Variants in ZNF567 observed in about 807,000 individuals in gnomAD.
ZNF567 encodes zinc finger protein 567.
ZNF567 carries 36 observed loss-of-function variants against 53.9 expected under a neutral mutation model. That is an observed-to-expected ratio of 0.67 (90% CI 0.51 to 0.88). The LOEUF is 0.88. Among genes scored for constraint, ZNF567 ranks in the 40% least tolerant of loss-of-function variants. ZNF567 has a pLI of 0.00. For missense variants in ZNF567, 619 were observed against 764.7 expected, an observed-to-expected ratio of 0.81 and a Z score of 2.25; for synonymous variants, 224 against 260.4, an observed-to-expected ratio of 0.86 and a Z score of 1.35.
intron 2 of ZNF567, among the ~76,000 whole-genome samples, chr19:36,690,049 C>T (rs373105674): frequency 6.6e-6 from 1 of 152,168 alleles, no homozygotes; most frequent in East Asian, 1.9e-4. Flanking sequence ...GTTTCATTTG[C>T]TATCTTTGGG....
chr19:36,668,344 G>T, the ZNF567 span: 1 of 152,310 alleles, frequency 6.6e-6, no homozygotes, highest in African/African-American at 2.4e-5. Context: ...CCCTGTGGGG[G>T]TGATACGTGA....
chr19:36,707,750 G>C (rs1257757621), intron 3 of ZNF567, among the ~76,000 whole-genome samples: 1 of 151,984 alleles, frequency 6.6e-6, no homozygotes, highest in Non-Finnish European at 1.5e-5. Flanking sequence ...GCTAATTTTT[G>C]TATGTTTAGT....
Position 36,719,010 on chromosome 19 carries a change from A to G in ZNF567, c.286A>G (p.Arg96Gly), listed in dbSNP as rs762085569. ...KFKEHQEKYS[R>G]SVVSINHKKL... ...CAAGGAACACCAAGAGAAGTATTCT[A>G]GATCAGTTGTAAGCATCAACCACAA... is the stretch of plus-strand genomic sequence containing the variant. Residue 96 changes from arginine to glycine, a missense_variant, in exon 6 of 6, where the codon AGA (arginine) becomes GGA (glycine). Coordinates refer to ENST00000682579, the MANE Select transcript of ZNF567 (RefSeq NM_001322917.1). 8.8e-6 allele frequency: 14 copies of G among 1,599,782 alleles called. No homozygotes were observed. The highest frequency in any genetic ancestry group is 1.1e-5 in the Non-Finnish European group (13 of 1,176,220).
chr19:36,674,031 G>A, the ZNF567 span, among the ~76,000 whole-genome samples: 1 of 152,100 alleles, frequency 6.6e-6, no homozygotes, highest in African/African-American at 2.4e-5. Flanking sequence ...AACTAATTTG[G>A]AATGAAAATC....
chr19:36,718,931 A>G lies in ZNF567; in HGVS notation c.224-17A>G. 2 of 1,533,506 alleles carry G rather than the reference A, an allele frequency of 1.3e-6. No homozygotes were observed. Among genetic ancestry groups the G allele is most frequent in the Admixed American group, 2.2e-5 (1 of 44,582 alleles). The allele number at this position is 1,533,506 out of a possible 1,614,324, so 95.0% of individuals were successfully genotyped here. On this transcript the variant is annotated splice_polypyrimidine_tract_variant and intron_variant, in intron 5 of 5. Transcript: ENST00000682579. ...TGTGAAGATTCACAAATTGTTATCA[A>G]TTATATTCTTTTCTAGAAGAAAACT...
At chr19:36,696,790 G>T (rs891103724) in intron 3 of ZNF567, among the ~76,000 whole-genome samples, 4 of 152,090 alleles carry the variant, frequency 2.6e-5, no homozygotes, top group African/African-American at 7.2e-5. Flanking sequence ...CTGTGCTTTT[G>T]TGTTTAACTT....
the ZNF567 span, chr19:36,668,324 C>A: frequency 6.6e-6 from 1 of 152,290 alleles, no homozygotes; most frequent in Non-Finnish European, 1.5e-5. Context: ...GCCGCCACTC[C>A]CGCAGTGGCC....
intron 5 of ZNF567, among the ~76,000 whole-genome samples, chr19:36,715,509 A>AATTATTATTATT (rs747530916): frequency 7.0e-4 from 32 of 45,818 alleles, no homozygotes; most frequent in East Asian, 7.0e-3. Flanking sequence ...TAATAATAAT[A>AATTATTATTATT]ATTATTATTA....
intron 3 of ZNF567, among the ~76,000 whole-genome samples, chr19:36,696,170 C>T (rs183955507): frequency 5.8e-4 from 89 of 152,270 alleles, no homozygotes; most frequent in Middle Eastern, 3.4e-3. Context: ...GACTGCCATA[C>T]TAAACTAGAA....
rs1872873950 is a variant in ZNF567 at position 36,720,450 on chromosome 19, C to T, written c.1726C>T (p.Leu576Phe). The change falls in exon 6 of 6, where the codon CTC (leucine) becomes TTC (phenylalanine). Residue 576 changes from leucine to phenylalanine, a missense_variant. Physicochemically the swap from Leu to Phe is conservative, Grantham distance 22. Transcript: ENST00000682579. ...GAAAGCCTTTAGCAGGAAGTCATAT[C>T]TCATTCATCATCAAAGAACTCATAC... ...CGKAFSRKSY[L>F]IHHQRTHTGE... The T allele has an allele frequency of 6.2e-7, 1 of 1,613,898 alleles. No individual in the cohort carries two copies. Among genetic ancestry groups the T allele is most frequent in the Non-Finnish European group, 8.5e-7 (1 of 1,180,010 alleles).
chr19:36,697,298 TG>T (rs1479501502), intron 3 of ZNF567, among the ~76,000 whole-genome samples: 2 of 152,188 alleles, frequency 1.3e-5, no homozygotes, highest in East Asian at 3.8e-4. Flanking sequence ...TGCTAGTATG[TG>T]AAAATGCAAT....
At chr19:36,725,772 C>G (rs1349851298), downstream of ZNF567, among the ~76,000 whole-genome samples, 1 of 152,118 alleles carries the variant, frequency 6.6e-6, no homozygotes, top group Non-Finnish European at 1.5e-5. Flanking sequence ...CCTCAGCTTC[C>G]TGAGTAGCTG....
intron 3 of ZNF567, among the ~76,000 whole-genome samples, chr19:36,709,299 T>C (rs2039654075): frequency 6.6e-6 from 1 of 152,232 alleles, no homozygotes; most frequent in South Asian, 2.1e-4. Flanking sequence ...TTACATATTA[T>C]CTATGGTTGC....
intron 3 of ZNF567, among the ~76,000 whole-genome samples, chr19:36,701,354 A>G (rs2039174211): frequency 6.6e-6 from 1 of 151,472 alleles, no homozygotes; most frequent in Non-Finnish European, 1.5e-5. Context: ...TATGTGGTCA[A>G]TTTTGGAATA....
At position 36,720,496 on chromosome 19, in the gene ZNF567, G is replaced by A. The variant is rs2145924641; in HGVS notation, c.1772G>A (p.Cys591Tyr). Residue 591 changes from cysteine to tyrosine, a missense_variant, in exon 6 of 6, where the codon TGT becomes TAT. Transcript: ENST00000682579. Reference protein sequence around the residue: ...RTHTGEKPYKCSECGKCFRQK... With the variant: ...RTHTGEKPYKYSECGKCFRQK... ...CATACGGGAGAGAAACCATATAAAT[G>A]TAGTGAATGTGGAAAGTGCTTCCGC... is the stretch of plus-strand genomic sequence containing the variant. 6.2e-7 allele frequency: 1 copy of A among 1,613,986 alleles called. No individual in the cohort carries two copies. Among genetic ancestry groups the A allele is most frequent in the East Asian group, 2.2e-5 (1 of 44,868 alleles).
the ZNF567 span, among the ~76,000 whole-genome samples, chr19:36,676,954 G>A: frequency 1.3e-5 from 2 of 151,980 alleles, no homozygotes; most frequent in African/African-American, 2.4e-5. Context: ...TCAGAAGTTC[G>A]AGACTAGCCT....
chr19:36,674,100 T>G, the ZNF567 span, among the ~76,000 whole-genome samples: 9 of 152,202 alleles, frequency 5.9e-5, no homozygotes, highest in Non-Finnish European at 8.8e-5. Context: ...TCAAACATTT[T>G]TATTTACTAA....
At chr19:36,726,025 T>A (rs1484687612), downstream of ZNF567, among the ~76,000 whole-genome samples, 2 of 152,256 alleles carry the variant, frequency 1.3e-5, no homozygotes, top group African/African-American at 4.8e-5. Flanking sequence ...TTCCTATTGT[T>A]CTGTACTGCA....
intron 3 of ZNF567, among the ~76,000 whole-genome samples, chr19:36,698,024 T>C (rs1485588097): frequency 6.6e-6 from 1 of 151,642 alleles, no homozygotes; most frequent in Non-Finnish European, 1.5e-5. Context: ...GCTGCACCCA[T>C]TAACTCGTCA....
Sources: allele counts gnomAD v4.1 joint callset (sites outside exome capture counted in the v4.1 genomes callset), GRCh38; gene constraint gnomAD v4.1.1; transcripts MANE v1.5; gene names NCBI Gene and HGNC (gene_info 2026-07-23, HGNC 2026-07-21).